The following CHORDC1 variants were observed in gnomAD, a reference collection of about 807,000 sequenced individuals.
CHORDC1 encodes cysteine and histidine-rich domain-containing protein 1.
CHORDC1 carries 25 observed loss-of-function variants against 48.3 expected under a neutral mutation model. That is an observed-to-expected ratio of 0.52 (90% CI 0.38 to 0.72). CHORDC1 has a LOEUF of 0.72. Among genes scored for constraint, CHORDC1 ranks in the 30% least tolerant of loss-of-function variants. CHORDC1 has a pLI of 0.00. For synonymous variants in CHORDC1, 128 were observed against 126.4 expected, an observed-to-expected ratio of 1.01 and a Z score of -0.09; for missense variants, 317 against 388.7, an observed-to-expected ratio of 0.82 and a Z score of 1.55.
At chr11:90,210,924 G>T in intron 5 of CHORDC1, 1 of 306,144 alleles carries the variant, frequency 3.3e-6, no homozygotes, top group East Asian at 6.8e-5. Context: ...TAATGTACAA[G>T]AAAACATTTT....
chr11:90,208,335 C>T (rs980202458), intron 6 of CHORDC1: 3 of 152,144 alleles, frequency 2.0e-5, no homozygotes, highest in African/African-American at 7.2e-5. Context: ...GAGGCTGAAA[C>T]AGAAGAATCG....
At chr11:90,209,985 A>C (rs1003881118) in intron 6 of CHORDC1, among the ~76,000 whole-genome samples, 1 of 152,132 alleles carries the variant, frequency 6.6e-6, no homozygotes, top group African/African-American at 2.4e-5. Context: ...CCCTTGCCCA[A>C]GCTCCACAGA....
Position 90,201,755 on chromosome 11 carries a change from C to T in CHORDC1, c.*650G>A, listed in dbSNP as rs1275293611. 6.6e-6 allele frequency: 1 copy of T among 152,382 alleles called. No individual in the cohort carries two copies. The highest frequency in any genetic ancestry group is 6.5e-5 in the Admixed American group (1 of 15,268). 9.4% of individuals were successfully genotyped at this position (152,382 alleles called of 1,614,324 possible). A position where few individuals can be genotyped will look rare whatever the true frequency, so the allele number is the denominator to read the frequency against. ...GTGAATTTTAACCAAATTGATACCT[C>T]TGTAATCTTATTTATGTTTCCTATA... On this transcript the variant is annotated 3_prime_UTR_variant, in exon 11 of 11. Transcript: ENST00000320585.
rs767990616 is a variant in CHORDC1 at position 90,218,161 on chromosome 11, C to G, written c.88G>C (p.Val30Leu). Reference sequence around the variant, plus strand: ...TTTAATGCATCGTGAAAGACCGGAACACCTGGGTGGTATGTGCAAGCATCT... The same window carrying G: ...TTTAATGCATCGTGAAAGACCGGAAGACCTGGGTGGTATGTGCAAGCATCT... ...SDDACTYHPGVPVFHDALKGW... is the reference protein window; with the variant it reads ...SDDACTYHPGLPVFHDALKGW... Residue 30 changes from valine to leucine, a missense_variant, in exon 2 of 11, where the codon GTT becomes CTT. Transcript: ENST00000320585. The G allele has an allele frequency of 1.0e-5, 16 of 1,574,426 alleles. No individual in the cohort carries two copies. The highest frequency in any genetic ancestry group is 1.4e-5 in the Non-Finnish European group (16 of 1,166,534).
intron 6 of CHORDC1, chr11:90,207,712 A>G (rs1013136139): frequency 6.6e-6 from 1 of 150,668 alleles, no homozygotes; most frequent in African/African-American, 2.4e-5. Flanking sequence ...GGGAAGTACA[A>G]ATCAAAACCA....
chr11:90,205,624 AGTATTT>A (rs1323901479), intron 7 of CHORDC1, 59 bp from the exon 8 acceptor site: 1 of 1,056,102 alleles, frequency 9.5e-7, no homozygotes, highest in Admixed American at 2.3e-5. Flanking sequence ...TAAATCCACA[AGTATTT>A]TAGGGATAAA....
intron 3 of CHORDC1, among the ~76,000 whole-genome samples, chr11:90,214,932 C>T (rs528218168): frequency 1.3e-5 from 2 of 152,094 alleles, no homozygotes; most frequent in Non-Finnish European, 2.9e-5. Context: ...GTTCTTTCAA[C>T]ATAACAGAAA....
intron 1 of CHORDC1, 182 bp downstream of exon 1, chr11:90,222,709 A>C: frequency 1.4e-6 from 1 of 710,830 alleles, no homozygotes; most frequent in Non-Finnish European, 2.6e-6. Context: ...CGCCAAGGGA[A>C]CGCGGCGCAA....
chr11:90,205,366 T>C, intron 8 of CHORDC1, 94 bp downstream of exon 8: 2 of 876,270 alleles, frequency 2.3e-6, no homozygotes, highest in Non-Finnish European at 1.8e-6. Flanking sequence ...AGAAAACTTT[T>C]TTTTAAAATC....
At chr11:90,212,681 AT>A in intron 4 of CHORDC1, 1 of 152,280 alleles carries the variant, frequency 6.6e-6, no homozygotes, top group African/African-American at 2.4e-5. Flanking sequence ...AGGATAAAAT[AT>A]TTAGTTTTTC....
chr11:90,220,886 A>T (rs552304886), intron 1 of CHORDC1, among the ~76,000 whole-genome samples: 17 of 152,284 alleles, frequency 1.1e-4, no homozygotes, highest in African/African-American at 4.1e-4. Flanking sequence ...ATTAAAAAAA[A>T]TACCGTTTGT....
At chr11:90,205,592 GA>G (rs760913142) in intron 7 of CHORDC1, 27 bp from the exon 8 acceptor site, 1 of 1,389,314 alleles carries the variant, frequency 7.2e-7, no homozygotes, top group Non-Finnish European at 1.0e-6. Flanking sequence ...AAAAACTTCA[GA>G]AATAAAATCT....
intron 1 of CHORDC1, among the ~76,000 whole-genome samples, chr11:90,220,095 T>G (rs1350698883): frequency 1.3e-5 from 2 of 152,246 alleles, no homozygotes; most frequent in Non-Finnish European, 2.9e-5. Context: ...ATTTCATATG[T>G]GACCCAATTA....
At chr11:90,210,620 T>C in intron 5 of CHORDC1, 26 bp from the exon 6 acceptor site, 1 of 1,433,480 alleles carries the variant, frequency 7.0e-7, no homozygotes, top group Non-Finnish European at 9.7e-7. Flanking sequence ...AAAAATCAAA[T>C]TAAAAAGTTA....
chr11:90,202,613 C>T (rs1481993039), intron 10 of CHORDC1, 62 bp from the exon 11 acceptor site: 1 of 1,559,874 alleles, frequency 6.4e-7, no homozygotes, highest in Non-Finnish European at 8.7e-7. Context: ...CAGAGGAAAA[C>T]ATCAGACTTG....
At chr11:90,214,759 C>A (rs1857966140) in intron 3 of CHORDC1, among the ~76,000 whole-genome samples, 1 of 151,994 alleles carries the variant, frequency 6.6e-6, no homozygotes, top group Admixed American at 6.6e-5. Context: ...ATGATACAAT[C>A]AATAGCATTA....
At chr11:90,220,043 T>C (rs1858126533) in intron 1 of CHORDC1, among the ~76,000 whole-genome samples, 1 of 152,234 alleles carries the variant, frequency 6.6e-6, no homozygotes, top group Admixed American at 6.5e-5. Context: ...AATTTTGTTT[T>C]TGTTTTCTTT....
At chr11:90,222,790 C>A (rs1858212954) in intron 1 of CHORDC1, 101 bp downstream of exon 1, 2 of 1,111,122 alleles carry the variant, frequency 1.8e-6, no homozygotes, top group East Asian at 5.1e-5. Context: ...TGGGGCCGCG[C>A]GAGGACGGCT....
intron 5 of CHORDC1, chr11:90,210,955 C>G (rs1473729521): frequency 6.6e-6 from 2 of 302,314 alleles, no homozygotes; most frequent in Non-Finnish European, 5.9e-6. Context: ...AGAAATTTAG[C>G]TGATTCTTAA....
Sources: gnomAD v4.1 joint callset for allele counts (sites outside exome capture counted in the v4.1 genomes callset) on GRCh38, gnomAD v4.1.1 for gene constraint, MANE v1.5 for transcripts, NCBI Gene and HGNC (gene_info 2026-07-23, HGNC 2026-07-21) for gene names.